STAG2: variants seen among roughly 807,000 people sequenced by gnomAD.
STAG2 encodes the protein cohesin subunit SA-2.
Under a neutral mutation model 108.1 loss-of-function variants are expected in STAG2, and 14 were observed. The ratio of observed to expected loss-of-function variants is 0.13; its 90% confidence interval spans 0.09 to 0.20. The LOEUF is 0.20. Ranked by LOEUF, STAG2 falls within the 10% of genes least tolerant of loss-of-function variation. The pLI, the probability that STAG2 is intolerant of heterozygous loss-of-function variation, is 1.00. For synonymous variants in STAG2, 307 were observed against 302.7 expected (o/e 1.01, Z -0.15); for missense variants, 440 against 940.9 (o/e 0.47, Z 6.96).
chrX:124,015,498 C>A (rs2056688972), intron 1 of STAG2, among the ~76,000 whole-genome samples: 1 of 108,615 alleles, frequency 9.2e-6, no homozygotes, highest in Admixed American at 9.9e-5. Context: ...GATTCTCCTG[C>A]CTCAGCCTCC....
At chrX:124,094,740 G>A (rs1267493666) in intron 33 of STAG2, among the ~76,000 whole-genome samples, 2 of 111,858 alleles carry the variant, frequency 1.8e-5, no homozygotes, top group Non-Finnish European at 3.8e-5. Context: ...TCTCTCCAAA[G>A]AGGCAAAACT....
chrX:124,088,594 A>G (rs1170732977), intron 30 of STAG2, among the ~76,000 whole-genome samples: 1 of 105,586 alleles, frequency 9.5e-6, no homozygotes, highest in African/African-American at 3.4e-5. Context: ...AACCTTACAC[A>G]CATTTGCAAA....
intron 6 of STAG2, among the ~76,000 whole-genome samples, chrX:124,040,602 G>A (rs762750637): frequency 4.8e-4 from 52 of 108,916 alleles, no homozygotes; most frequent in Non-Finnish European, 9.3e-4. Flanking sequence ...TTTATGAGAC[G>A]GGGAGGAGCT....
chrX:123,980,989 G>A (rs1281742694), intron 1 of STAG2, among the ~76,000 whole-genome samples: 1 of 111,025 alleles, frequency 9.0e-6, no homozygotes, highest in African/African-American at 3.3e-5. Context: ...AAGCTAACTT[G>A]GGTAGAAATA....
At chrX:124,099,273 TACTAAA>T (rs1237017751) in intron 34 of STAG2, among the ~76,000 whole-genome samples, 2 of 112,039 alleles carry the variant, frequency 1.8e-5, no homozygotes, top group African/African-American at 6.5e-5. Flanking sequence ...CCATACTCAA[TACTAAA>T]TTGCTAATTA....
At chrX:124,029,245 C>T (rs913861352) in intron 4 of STAG2, among the ~76,000 whole-genome samples, 1 of 108,271 alleles carries the variant, frequency 9.2e-6, no homozygotes, top group African/African-American at 3.4e-5. Context: ...TCTCGATCTC[C>T]TGACCTCGTG....
At chrX:123,977,444 G>C (rs1165000137) in intron 1 of STAG2, among the ~76,000 whole-genome samples, 1 of 109,514 alleles carries the variant, frequency 9.1e-6, no homozygotes, top group Non-Finnish European at 1.9e-5. Flanking sequence ...CTTTTCTGCT[G>C]TTTTTTTTCC....
chrX:124,043,379 T>G (rs746683875), intron 7 of STAG2, among the ~76,000 whole-genome samples: 3 of 110,826 alleles, frequency 2.7e-5, no homozygotes, highest in East Asian at 5.8e-4. Flanking sequence ...TCGAACTCAT[T>G]ACCTCAAGTG....
intron 1 of STAG2, among the ~76,000 whole-genome samples, chrX:124,017,605 A>G (rs1385854933): frequency 9.0e-6 from 1 of 111,570 alleles, no homozygotes; most frequent in African/African-American, 3.3e-5. Context: ...GTGTGCTTTT[A>G]TTTTGTTGGG....
intron 13 of STAG2, among the ~76,000 whole-genome samples, chrX:124,051,677 A>G (rs1014360172): frequency 1.6e-4 from 17 of 107,061 alleles, no homozygotes; most frequent in Non-Finnish European, 2.5e-4. Flanking sequence ...TGCAAGCTCC[A>G]CCTCCCAGGT....
At chrX:123,980,645 T>A (rs772539476) in intron 1 of STAG2, among the ~76,000 whole-genome samples, 1 of 111,404 alleles carries the variant, frequency 9.0e-6, no homozygotes, top group Non-Finnish European at 1.9e-5. Context: ...AAATAATAGG[T>A]TTAAGCTGGG....
chrX:124,066,882 G>A (rs894985115), intron 23 of STAG2, among the ~76,000 whole-genome samples: 1 of 111,925 alleles, frequency 8.9e-6, no homozygotes, highest in African/African-American at 3.3e-5. Flanking sequence ...GCCAGCGCCA[G>A]CTATTAGTAC....
intron 1 of STAG2, among the ~76,000 whole-genome samples, chrX:123,980,498 A>G (rs2054825421): frequency 8.9e-6 from 1 of 112,061 alleles, no homozygotes; most frequent in Non-Finnish European, 1.9e-5. Flanking sequence ...ATACAGTATA[A>G]AAACTGTTCT....
chrX:124,069,183 G>C (rs145270050), intron 24 of STAG2, among the ~76,000 whole-genome samples: 1 of 111,826 alleles, frequency 8.9e-6, no homozygotes, highest in Non-Finnish European at 1.9e-5. Flanking sequence ...TTCAGTTCTC[G>C]AAATAGACTG....
At chrX:123,988,683 TGTTA>T (rs1339067021) in intron 1 of STAG2, among the ~76,000 whole-genome samples, 1 of 111,558 alleles carries the variant, frequency 9.0e-6, no homozygotes, top group Non-Finnish European at 1.9e-5. Flanking sequence ...CTGGTTGAGG[TGTTA>T]GTTTGATTTC....
At chrX:124,051,275 T>C in intron 12 of STAG2, 40 bp from the exon 13 acceptor site, 1 of 1,172,514 alleles carries the variant, frequency 8.5e-7, no homozygotes, top group Non-Finnish European at 1.2e-6. Flanking sequence ...ACTTTTCTCT[T>C]GCTTTCCTTT....
chrX:123,998,607 TATC>T, intron 1 of STAG2, among the ~76,000 whole-genome samples: 1 of 107,577 alleles, frequency 9.3e-6, no homozygotes, highest in South Asian at 4.2e-4. Context: ...TCTATCTATC[TATC>T]TATCTATCTA....
chrX:123,989,053 T>C, intron 1 of STAG2, among the ~76,000 whole-genome samples: 1 of 111,652 alleles, frequency 9.0e-6, no homozygotes, highest in Non-Finnish European at 1.9e-5. Flanking sequence ...CCCTGTACTG[T>C]ATGTAATTCC....
intron 30 of STAG2, among the ~76,000 whole-genome samples, chrX:124,089,061 G>A (rs751733714): frequency 3.9e-4 from 42 of 107,486 alleles, no homozygotes; most frequent in Non-Finnish European, 4.8e-4. Flanking sequence ...GATTACAAGC[G>A]CCCGCCACCG....
Sources: gnomAD v4.1 joint callset for allele counts (sites outside exome capture counted in the v4.1 genomes callset) on GRCh38, gnomAD v4.1.1 for gene constraint, MANE v1.5 for transcripts, NCBI Gene and HGNC (gene_info 2026-07-23, HGNC 2026-07-21) for gene names.